Variants in CCSER1 observed in about 807,000 individuals in gnomAD.
CCSER1 encodes the protein serine-rich coiled-coil domain-containing protein 1.
A neutral mutation model predicts 82.0 loss-of-function variants in CCSER1; 41 were observed. The observed-to-expected ratio is 0.50, with a 90% CI of 0.39 to 0.65. CCSER1 has a LOEUF of 0.65. Among genes scored for constraint, CCSER1 ranks in the 30% least tolerant of loss-of-function variants. The pLI, the probability that CCSER1 is intolerant of heterozygous loss-of-function variation, is 0.00. For missense variants in CCSER1, 1,119 were observed against 1,064.2 expected (o/e 1.05, Z -0.72); for synonymous variants, 414 against 383.9 (o/e 1.08, Z -0.92).
At chr4:90,443,229 C>A (rs992630830) in intron 4 of CCSER1, among the ~76,000 whole-genome samples, 2 of 151,990 alleles carry the variant, frequency 1.3e-5, no homozygotes, top group Non-Finnish European at 2.9e-5. Flanking sequence ...GAAAGTTCAC[C>A]TTTTCACTTA....
intron 10 of CCSER1, among the ~76,000 whole-genome samples, chr4:91,125,936 A>G (rs1255342353): frequency 6.6e-6 from 1 of 151,718 alleles, no homozygotes; most frequent in African/African-American, 2.4e-5. Context: ...TATTAAATAT[A>G]CATCTCCATT....
chr4:90,318,426 T>C (rs1156413058), intron 3 of CCSER1, among the ~76,000 whole-genome samples: 1 of 152,216 alleles, frequency 6.6e-6, no homozygotes, highest in African/African-American at 2.4e-5. Flanking sequence ...AACTTTCATT[T>C]ATGGCCAATT....
At chr4:90,709,417 C>T (rs1367461868) in intron 6 of CCSER1, among the ~76,000 whole-genome samples, 1 of 151,978 alleles carries the variant, frequency 6.6e-6, no homozygotes, top group Non-Finnish European at 1.5e-5. Flanking sequence ...AGCTATTCTT[C>T]CTGATACTCT....
At chr4:90,777,730 A>G (rs146118844) in intron 7 of CCSER1, among the ~76,000 whole-genome samples, 244 of 152,306 alleles carry the variant, frequency 1.6e-3, no homozygotes, top group African/African-American at 5.6e-3. Flanking sequence ...AAAACCACCA[A>G]GAATTTTCAG....
At chr4:91,508,862 C>T (rs1240098908) in intron 10 of CCSER1, among the ~76,000 whole-genome samples, 1 of 151,508 alleles carries the variant, frequency 6.6e-6, no homozygotes, top group Admixed American at 6.6e-5. Flanking sequence ...AGCTATATTA[C>T]CTAATATTGG....
At chr4:91,517,053 T>C (rs1490728106) in intron 10 of CCSER1, among the ~76,000 whole-genome samples, 1 of 152,216 alleles carries the variant, frequency 6.6e-6, no homozygotes, top group African/African-American at 2.4e-5. Flanking sequence ...TGATTTCTTA[T>C]CCTGAAACTT....
chr4:91,089,803 AT>A, intron 10 of CCSER1, among the ~76,000 whole-genome samples: 1 of 152,300 alleles, frequency 6.6e-6, no homozygotes, highest in East Asian at 1.9e-4. Context: ...GCATGGGTAC[AT>A]GTGCCAGTTT....
chr4:91,152,525 G>T (rs918672369), intron 10 of CCSER1, among the ~76,000 whole-genome samples: 1 of 152,062 alleles, frequency 6.6e-6, no homozygotes. Flanking sequence ...TACATTTAAG[G>T]TTAATATTGT....
At chr4:90,598,627 T>C (rs1292326234) in intron 5 of CCSER1, among the ~76,000 whole-genome samples, 1 of 152,192 alleles carries the variant, frequency 6.6e-6, no homozygotes, top group Non-Finnish European at 1.5e-5. Context: ...AAATGTGTAT[T>C]CAGGTCCTTT....
At chr4:91,420,918 C>T (rs1004511747) in intron 10 of CCSER1, among the ~76,000 whole-genome samples, 2 of 152,086 alleles carry the variant, frequency 1.3e-5, no homozygotes, top group African/African-American at 4.8e-5. Context: ...CATGGATAAA[C>T]CTGGAGGGTA....
intron 1 of CCSER1, among the ~76,000 whole-genome samples, chr4:90,189,769 T>G (rs1052357436): frequency 6.6e-6 from 1 of 151,990 alleles, no homozygotes; most frequent in Non-Finnish European, 1.5e-5. Flanking sequence ...TCATTAAGCA[T>G]TCTTACAATT....
At chr4:90,357,187 C>T (rs1744525018) in intron 3 of CCSER1, among the ~76,000 whole-genome samples, 1 of 151,768 alleles carries the variant, frequency 6.6e-6, no homozygotes, top group Non-Finnish European at 1.5e-5. Flanking sequence ...ACTTAATAAT[C>T]ACTTCTGAGA....
At position 91,212,052 on chromosome 4, in the gene CCSER1, A is replaced by T. The variant is rs138095020; in HGVS notation, c.2217+126058A>T. On this transcript the variant is annotated intron_variant, in intron 10 of 10. Coordinates refer to ENST00000509176, the MANE Select transcript of CCSER1 (RefSeq NM_001145065.2). ...ATTCAAAACATGAAAAAACAGTAAA[A>T]ATTTTTAATACCTCCTTGGTCTGGG... Among the ~76,000 whole-genome samples the T allele has an allele frequency of 2.4e-3, 360 of 152,082 alleles. 3 individuals carry two copies. Among genetic ancestry groups the T allele is most frequent in the African/African-American group, 8.1e-3 (338 of 41,516 alleles).
At chr4:90,834,089 A>G (rs777272764) in intron 8 of CCSER1, among the ~76,000 whole-genome samples, 21 of 152,136 alleles carry the variant, frequency 1.4e-4, no homozygotes, top group Non-Finnish European at 2.9e-4. Flanking sequence ...AGCAACAGAA[A>G]ATGGACTAAG....
chr4:90,253,989 G>T (rs1162504103), intron 1 of CCSER1, among the ~76,000 whole-genome samples: 1 of 152,124 alleles, frequency 6.6e-6, no homozygotes, highest in Non-Finnish European at 1.5e-5. Flanking sequence ...AGGCACCTTT[G>T]CAGAGGTATT....
At chr4:90,176,770 C>T (rs910712875) in intron 1 of CCSER1, among the ~76,000 whole-genome samples, 1 of 151,964 alleles carries the variant, frequency 6.6e-6, no homozygotes, top group South Asian at 2.1e-4. Flanking sequence ...TCAGGAGGGA[C>T]CTTCTAGGAG....
chr4:90,585,973 T>G (rs1781961947), intron 5 of CCSER1, among the ~76,000 whole-genome samples: 2 of 152,136 alleles, frequency 1.3e-5, no homozygotes, highest in African/African-American at 4.8e-5. Context: ...GAAAAATAGG[T>G]GAAATTCATT....
chr4:90,691,548 CATATCACATGTGTGT>C (rs778504771), intron 6 of CCSER1, among the ~76,000 whole-genome samples: 54 of 133,368 alleles, frequency 4.0e-4, no homozygotes, highest in African/African-American at 6.1e-4. Context: ...TACATGTGTA[CATATCACATGTGTGT>C]ATATCACATG....
chr4:91,321,475 A>G (rs1406254375), intron 10 of CCSER1, among the ~76,000 whole-genome samples: 1 of 152,086 alleles, frequency 6.6e-6, no homozygotes, highest in Non-Finnish European at 1.5e-5. Context: ...AACATAAGCA[A>G]TCATTGATTT....
Sources: allele counts gnomAD v4.1 joint callset (sites outside exome capture counted in the v4.1 genomes callset), GRCh38; gene constraint gnomAD v4.1.1; transcripts MANE v1.5; gene names NCBI Gene and HGNC (gene_info 2026-07-23, HGNC 2026-07-21).